The following SPATA16 variants were observed in gnomAD, a reference collection of about 807,000 sequenced individuals.
The protein encoded by SPATA16 is spermatogenesis-associated protein 16.
SPATA16 carries 36 observed loss-of-function variants against 63.3 expected under a neutral mutation model. The observed-to-expected ratio is 0.57, with a 90% CI of 0.44 to 0.75. SPATA16 has a LOEUF of 0.75. Ranked by LOEUF, SPATA16 falls within the 30% of genes least tolerant of loss-of-function variation. SPATA16 has a pLI of 0.00. For missense variants in SPATA16, 646 were observed against 679.3 expected, an observed-to-expected ratio of 0.95 and a Z score of 0.54; for synonymous variants, 203 against 216.7, an observed-to-expected ratio of 0.94 and a Z score of 0.56.
At chr3:173,118,018 A>G (rs750794539) in intron 1 of SPATA16, among the ~76,000 whole-genome samples, 4 of 152,232 alleles carry the variant, frequency 2.6e-5, no homozygotes, top group Non-Finnish European at 4.4e-5. Context: ...CATCGAATGA[A>G]TACTTTAATG....
chr3:173,094,973 A>G (rs537977710), intron 2 of SPATA16, among the ~76,000 whole-genome samples: 1 of 152,300 alleles, frequency 6.6e-6, no homozygotes, highest in Admixed American at 6.5e-5. Context: ...AATATCAGCC[A>G]TGGTTCTATG....
At chr3:173,108,721 CTA>C (rs1325695024) in intron 2 of SPATA16, among the ~76,000 whole-genome samples, 1 of 152,168 alleles carries the variant, frequency 6.6e-6, no homozygotes, top group Non-Finnish European at 1.5e-5. Context: ...TGGAGCAGCC[CTA>C]TACAGGTGTA....
intron 1 of SPATA16, among the ~76,000 whole-genome samples, chr3:173,139,200 AT>A (rs756397757): frequency 2.6e-5 from 4 of 152,174 alleles, no homozygotes; most frequent in Non-Finnish European, 5.9e-5. Context: ...CATTTTTGTT[AT>A]TGCTGTTATT....
chr3:173,064,914 T>A (rs1410072467), intron 2 of SPATA16, among the ~76,000 whole-genome samples: 1 of 152,224 alleles, frequency 6.6e-6, no homozygotes, highest in African/African-American at 2.4e-5. Context: ...TCTATTTCTC[T>A]AAGAATTTCT....
intron 5 of SPATA16, among the ~76,000 whole-genome samples, chr3:172,972,192 G>T (rs1403987872): frequency 6.6e-6 from 1 of 152,168 alleles, no homozygotes; most frequent in Non-Finnish European, 1.5e-5. Flanking sequence ...GGGAAGTCTT[G>T]GTGTTCTCTG....
intron 6 of SPATA16, among the ~76,000 whole-genome samples, chr3:172,944,742 T>C (rs1336659293): frequency 6.6e-6 from 1 of 152,120 alleles, no homozygotes; most frequent in Non-Finnish European, 1.5e-5. Context: ...CAGACACAAA[T>C]GGACAAATAC....
chr3:173,115,366 A>G (rs906577818), intron 2 of SPATA16, among the ~76,000 whole-genome samples: 1 of 152,214 alleles, frequency 6.6e-6, no homozygotes, highest in African/African-American at 2.4e-5. Context: ...CCCTCCCTGC[A>G]CCAGGAAAAT....
At chr3:173,131,086 T>A (rs1738371796) in intron 1 of SPATA16, among the ~76,000 whole-genome samples, 1 of 152,230 alleles carries the variant, frequency 6.6e-6, no homozygotes, top group Non-Finnish European at 1.5e-5. Context: ...GATTGCATAT[T>A]GATCATCCAC....
At chr3:172,898,599 C>G (rs1384989091) in intron 10 of SPATA16, among the ~76,000 whole-genome samples, 1 of 150,884 alleles carries the variant, frequency 6.6e-6, no homozygotes, top group Non-Finnish European at 1.5e-5. Flanking sequence ...TGTCTTCTCC[C>G]TTTTTTATTT....
At chr3:173,139,746 G>C (rs1357194938) in intron 1 of SPATA16, among the ~76,000 whole-genome samples, 1 of 152,202 alleles carries the variant, frequency 6.6e-6, no homozygotes, top group African/African-American at 2.4e-5. Context: ...AGCACTTTAG[G>C]ATACTGAGGT....
chr3:172,897,878 T>G (rs1168155106), intron 10 of SPATA16, among the ~76,000 whole-genome samples: 1 of 152,096 alleles, frequency 6.6e-6, no homozygotes, highest in Non-Finnish European at 1.5e-5. Context: ...TTAAGTGTAT[T>G]TAACTATAGA....
chr3:173,106,960 T>C (rs549113008), intron 2 of SPATA16, among the ~76,000 whole-genome samples: 21 of 152,322 alleles, frequency 1.4e-4, no homozygotes, highest in African/African-American at 5.1e-4. Context: ...TAGGTTAATA[T>C]AGATAAAGTG....
chr3:172,941,015 T>C (rs1057468455), intron 6 of SPATA16, among the ~76,000 whole-genome samples: 1 of 151,664 alleles, frequency 6.6e-6, no homozygotes, highest in Non-Finnish European at 1.5e-5. Flanking sequence ...ATAAGCAAAT[T>C]ACATAAAAAA....
intron 4 of SPATA16, among the ~76,000 whole-genome samples, chr3:172,991,590 C>T (rs766571048): frequency 1.3e-5 from 2 of 152,132 alleles, no homozygotes; most frequent in Non-Finnish European, 2.9e-5. Context: ...CCATAGCAAC[C>T]TTGATTTTTA....
At chr3:172,967,082 C>T (rs2108244034) in intron 5 of SPATA16, among the ~76,000 whole-genome samples, 1 of 152,242 alleles carries the variant, frequency 6.6e-6, no homozygotes, top group East Asian at 1.9e-4. Flanking sequence ...ATAAAATAAC[C>T]TCATGGAAAC....
At chr3:173,032,550 A>T (rs897847714) in intron 3 of SPATA16, among the ~76,000 whole-genome samples, 4 of 152,116 alleles carry the variant, frequency 2.6e-5, no homozygotes, top group South Asian at 2.1e-4. Flanking sequence ...TATACCAAAA[A>T]ATAAGAACTT....
At chr3:173,082,133 A>G (rs1267444811) in intron 2 of SPATA16, among the ~76,000 whole-genome samples, 1 of 152,154 alleles carries the variant, frequency 6.6e-6, no homozygotes, top group Non-Finnish European at 1.5e-5. Flanking sequence ...GTGTCCCCAT[A>G]GCACCTTGTA....
chr3:172,989,822 C>T (rs1389347299), intron 4 of SPATA16, among the ~76,000 whole-genome samples: 1 of 152,096 alleles, frequency 6.6e-6, no homozygotes, highest in Non-Finnish European at 1.5e-5. Flanking sequence ...ATTTAGACTG[C>T]TTGGAAAGGG....
chr3:173,100,109 T>A (rs1737454773), intron 2 of SPATA16, among the ~76,000 whole-genome samples: 1 of 152,178 alleles, frequency 6.6e-6, no homozygotes, highest in Non-Finnish European at 1.5e-5. Context: ...GAGAGAAATA[T>A]ACAATAACTC....
Sources: allele counts gnomAD v4.1 joint callset (sites outside exome capture counted in the v4.1 genomes callset), GRCh38; gene constraint gnomAD v4.1.1; transcripts MANE v1.5; gene names NCBI Gene and HGNC (gene_info 2026-07-23, HGNC 2026-07-21).